The following CYSLTR1 variants were observed in gnomAD, a reference collection of about 807,000 sequenced individuals.
The protein encoded by CYSLTR1 is cysteinyl leukotriene receptor 1.
In CYSLTR1, 1 loss-of-function variant was observed where a neutral mutation model predicts 2.1. That is an observed-to-expected ratio of 0.48 (90% confidence interval 0.17 to 2.28). The LOEUF (loss-of-function observed/expected upper bound fraction) is 2.28. Ranked by LOEUF, CYSLTR1 falls within the 30% of genes most tolerant of loss-of-function variation. CYSLTR1 has a pLI of 0.26. For missense variants in CYSLTR1, 299 were observed against 250.1 expected (o/e 1.20, Z -1.32); for synonymous variants, 110 against 89.6 (o/e 1.23, Z -1.28).
At chrX:78,326,820 C>T (rs1280161121) in intron 1 of CYSLTR1, among the ~76,000 whole-genome samples, 1 of 111,789 alleles carries the variant, frequency 8.9e-6, no homozygotes, top group Non-Finnish European at 1.9e-5. Context: ...TAACACCTAC[C>T]TTGTCTAAAT....
chrX:78,274,486 C>T (rs1487134770), intron 2 of CYSLTR1, among the ~76,000 whole-genome samples: 1 of 111,646 alleles, frequency 9.0e-6, no homozygotes, highest in African/African-American at 3.3e-5. Context: ...GGAAAGGATT[C>T]CCTATTTAAT....
At chrX:78,311,905 G>T (rs1395964341) in intron 1 of CYSLTR1, among the ~76,000 whole-genome samples, 2 of 111,782 alleles carry the variant, frequency 1.8e-5, no homozygotes, top group Non-Finnish European at 3.8e-5. Flanking sequence ...TGGCCATACT[G>T]CCCAAAGCCA....
chrX:78,292,658 T>C (rs1472820006), intron 1 of CYSLTR1, among the ~76,000 whole-genome samples: 1 of 111,896 alleles, frequency 8.9e-6, no homozygotes, highest in Non-Finnish European at 1.9e-5. Flanking sequence ...GCTCTTGTAT[T>C]GGAGGCATAT....
intron 1 of CYSLTR1, among the ~76,000 whole-genome samples, chrX:78,291,033 C>T (rs994132364): frequency 3.6e-5 from 4 of 111,821 alleles, no homozygotes; most frequent in Non-Finnish European, 7.5e-5. Flanking sequence ...TTGTCTTCAG[C>T]CAGTTTTCAA....
chrX:78,277,761 A>G (rs1477592813), intron 2 of CYSLTR1, among the ~76,000 whole-genome samples: 1 of 111,933 alleles, frequency 8.9e-6, no homozygotes, highest in Non-Finnish European at 1.9e-5. Flanking sequence ...TATAAAAGCA[A>G]AAAGCCATAT....
chrX:78,292,710 T>C (rs1288137910), intron 1 of CYSLTR1, among the ~76,000 whole-genome samples: 1 of 111,631 alleles, frequency 9.0e-6, no homozygotes, highest in East Asian at 2.8e-4. Context: ...TTGATCCCTT[T>C]ACCATTATGT....
At chrX:78,286,141 G>A (rs1422266450) in intron 1 of CYSLTR1, among the ~76,000 whole-genome samples, 3 of 111,079 alleles carry the variant, frequency 2.7e-5, no homozygotes, top group African/African-American at 9.8e-5. Context: ...AGGTAAATAA[G>A]AGAGCCCAGA....
intron 1 of CYSLTR1, chrX:78,321,342 AAAGGG>A (rs1157197150): frequency 9.1e-6 from 1 of 109,946 alleles, no homozygotes; most frequent in Non-Finnish European, 1.9e-5. Flanking sequence ...AGAAGAAAGG[AAAGGG>A]GGTGGAGCAG....
intron 1 of CYSLTR1, among the ~76,000 whole-genome samples, chrX:78,285,401 T>G (rs1008323642): frequency 1.2e-5 from 1 of 86,662 alleles, no homozygotes. Flanking sequence ...CAGCCTGGGC[T>G]ACAGAGCGAG....
intron 1 of CYSLTR1, among the ~76,000 whole-genome samples, chrX:78,303,557 C>T (rs1327145361): frequency 9.0e-6 from 1 of 111,018 alleles, no homozygotes; most frequent in Non-Finnish European, 1.9e-5. Context: ...ATTAATCCTA[C>T]CCCAGTCCCA....
At chrX:78,291,953 TTG>T (rs1922355691) in intron 1 of CYSLTR1, among the ~76,000 whole-genome samples, 1 of 111,070 alleles carries the variant, frequency 9.0e-6, no homozygotes, top group Non-Finnish European at 1.9e-5. Flanking sequence ...AAGAGTTTTT[TTG>T]TGTCTCTATC....
Position 78,272,596 on chromosome X carries a change from T to G in CYSLTR1, c.*137A>C. 6 of 561,992 alleles carry G rather than the reference T, an allele frequency of 1.1e-5. No individual in the cohort carries two copies. Among genetic ancestry groups the G allele is most frequent in the Non-Finnish European group, 1.5e-5 (6 of 387,271 alleles). The allele number at this position is 561,992 out of a possible 1,213,427, so 46.3% of individuals were successfully genotyped here. A position where few individuals can be genotyped will look rare whatever the true frequency, so the allele number is the denominator to read the frequency against. ...ATATCTAATCATGTGGATGCATAAA[T>G]GAGATAGAGTTGTAGGCCCAAATAG... On this transcript the variant is annotated 3_prime_UTR_variant, in exon 3 of 3. Coordinates refer to ENST00000373304, the MANE Select transcript of CYSLTR1 (RefSeq NM_006639.4).
At chrX:78,303,122 C>T (rs1019356183) in intron 1 of CYSLTR1, among the ~76,000 whole-genome samples, 8 of 111,882 alleles carry the variant, frequency 7.2e-5, no homozygotes, top group Non-Finnish European at 1.3e-4. Flanking sequence ...TAATTCCCCT[C>T]TGCCTAGGGC....
At chrX:78,306,188 A>C (rs570748040) in intron 1 of CYSLTR1, among the ~76,000 whole-genome samples, 7 of 110,744 alleles carry the variant, frequency 6.3e-5, no homozygotes, top group African/African-American at 2.3e-4. Flanking sequence ...TTTTGAGAGG[A>C]GGTTTCGCTC....
At chrX:78,315,094 G>A (rs1031905071) in intron 1 of CYSLTR1, among the ~76,000 whole-genome samples, 1 of 106,344 alleles carries the variant, frequency 9.4e-6, no homozygotes, top group Non-Finnish European at 1.9e-5. Context: ...AGCAGGATAG[G>A]GCACCTGTTA....
chrX:78,280,365 C>G (rs1921786142), intron 2 of CYSLTR1, among the ~76,000 whole-genome samples: 1 of 110,834 alleles, frequency 9.0e-6, no homozygotes, highest in Admixed American at 9.6e-5. Context: ...TTGGTAATAG[C>G]CCTTTTCGGC....
At chrX:78,319,694 T>C (rs1450047448) in intron 1 of CYSLTR1, 1 of 112,097 alleles carries the variant, frequency 8.9e-6, no homozygotes, top group Non-Finnish European at 1.9e-5. Context: ...CGCCACAGAC[T>C]TCCACAATGG....
intron 1 of CYSLTR1, among the ~76,000 whole-genome samples, chrX:78,291,032 G>A (rs1205598392): frequency 8.9e-6 from 1 of 111,836 alleles, no homozygotes; most frequent in Non-Finnish European, 1.9e-5. Flanking sequence ...CTTGTCTTCA[G>A]CCAGTTTTCA....
At chrX:78,285,926 G>T (rs1203590984) in intron 1 of CYSLTR1, among the ~76,000 whole-genome samples, 1 of 111,919 alleles carries the variant, frequency 8.9e-6, no homozygotes, top group Non-Finnish European at 1.9e-5. Flanking sequence ...GTGAGTTAAT[G>T]AAGTCAAATG....
Sources: gnomAD v4.1 joint callset for allele counts (sites outside exome capture counted in the v4.1 genomes callset) on GRCh38, gnomAD v4.1.1 for gene constraint, MANE v1.5 for transcripts, NCBI Gene and HGNC (gene_info 2026-07-23, HGNC 2026-07-21) for gene names.